The following CNTNAP5 variants were observed in gnomAD, a reference collection of about 807,000 sequenced individuals.
The protein encoded by CNTNAP5 is contactin associated protein family member 5.
A neutral mutation model predicts 150.2 loss-of-function variants in CNTNAP5; 72 were observed. The ratio of observed to expected loss-of-function variants is 0.48; its 90% CI spans 0.40 to 0.58. CNTNAP5 has a LOEUF of 0.58. CNTNAP5 is among the 20% of genes least tolerant of loss of function. The pLI is 0.00. For synonymous variants in CNTNAP5, 672 were observed against 619.8 expected (o/e 1.08, Z -1.25); for missense variants, 1,636 against 1,626.2 (o/e 1.01, Z -0.10).
At chr2:124,377,214 C>T (rs942569582) in intron 3 of CNTNAP5, among the ~76,000 whole-genome samples, 1 of 152,086 alleles carries the variant, frequency 6.6e-6, no homozygotes, top group East Asian at 1.9e-4. Flanking sequence ...ACATTGGGAA[C>T]ACTGTCTTCC....
At chr2:124,286,855 A>G (rs1450068034) in intron 3 of CNTNAP5, among the ~76,000 whole-genome samples, 1 of 152,162 alleles carries the variant, frequency 6.6e-6, no homozygotes, top group Non-Finnish European at 1.5e-5. Flanking sequence ...TTCCATCTCA[A>G]CTAAAACTCT....
intron 7 of CNTNAP5, among the ~76,000 whole-genome samples, chr2:124,495,945 C>T (rs1694132172): frequency 1.3e-5 from 2 of 152,066 alleles, no homozygotes; most frequent in African/African-American, 4.8e-5. Context: ...TTGTTACATG[C>T]TCTCCCAGCA....
chr2:124,237,309 G>T (rs1686775549), intron 2 of CNTNAP5, among the ~76,000 whole-genome samples: 1 of 152,086 alleles, frequency 6.6e-6, no homozygotes, highest in Non-Finnish European at 1.5e-5. Flanking sequence ...CCCATTTCCA[G>T]TGTGTGGCAT....
At chr2:124,462,879 C>T (rs1390031411) in intron 6 of CNTNAP5, among the ~76,000 whole-genome samples, 1 of 152,242 alleles carries the variant, frequency 6.6e-6, no homozygotes, top group Admixed American at 6.5e-5. Context: ...GGTCAAAGTT[C>T]TGCCCACACT....
intron 1 of CNTNAP5, among the ~76,000 whole-genome samples, chr2:124,080,002 G>A (rs1214512472): frequency 2.0e-5 from 3 of 152,180 alleles, no homozygotes; most frequent in African/African-American, 7.2e-5. Context: ...GGATTACTCA[G>A]TCATTGTTAC....
intron 1 of CNTNAP5, among the ~76,000 whole-genome samples, chr2:124,121,748 C>T (rs998725545): frequency 6.6e-6 from 1 of 152,144 alleles, no homozygotes; most frequent in Non-Finnish European, 1.5e-5. Context: ...TTTTACAACC[C>T]TCATCAAGAC....
At chr2:124,538,841 C>T (rs1695309289) in intron 10 of CNTNAP5, among the ~76,000 whole-genome samples, 1 of 152,162 alleles carries the variant, frequency 6.6e-6, no homozygotes, top group African/African-American at 2.4e-5. Flanking sequence ...TAAAGAGATT[C>T]CTTGGTATTG....
At chr2:124,691,524 G>A (rs910942998) in intron 13 of CNTNAP5, among the ~76,000 whole-genome samples, 9 of 152,120 alleles carry the variant, frequency 5.9e-5, no homozygotes, top group South Asian at 2.1e-4. Flanking sequence ...TAGGGATATC[G>A]TTTTCTGATC....
chr2:124,492,893 A>G (rs1196811239), intron 7 of CNTNAP5, among the ~76,000 whole-genome samples: 1 of 152,122 alleles, frequency 6.6e-6, no homozygotes, highest in Non-Finnish European at 1.5e-5. Context: ...TTTTTAATAT[A>G]TAATATCATG....
At chr2:124,099,063 A>G (rs1192756155) in intron 1 of CNTNAP5, among the ~76,000 whole-genome samples, 6 of 152,158 alleles carry the variant, frequency 3.9e-5, no homozygotes, top group Non-Finnish European at 1.5e-5. Flanking sequence ...CCTTCGTAAC[A>G]CAAGATCTGC....
intron 13 of CNTNAP5, among the ~76,000 whole-genome samples, chr2:124,674,009 C>T (rs1678875846): frequency 6.6e-6 from 1 of 152,050 alleles, no homozygotes; most frequent in Admixed American, 6.6e-5. Flanking sequence ...CAGTCATTCC[C>T]CATTCCTGCT....
chr2:124,113,888 C>A (rs575997848), intron 1 of CNTNAP5, among the ~76,000 whole-genome samples: 1 of 152,014 alleles, frequency 6.6e-6, no homozygotes, highest in African/African-American at 2.4e-5. Flanking sequence ...CACTGCTCTA[C>A]AGCATCACCT....
intron 10 of CNTNAP5, among the ~76,000 whole-genome samples, chr2:124,545,766 CA>C (rs781608173): frequency 1.2e-4 from 18 of 152,066 alleles, no homozygotes; most frequent in Non-Finnish European, 1.6e-4. Context: ...GGACACTCTT[CA>C]AAGCTAAGGA....
At chr2:124,207,199 C>A (rs1264050633) in intron 1 of CNTNAP5, among the ~76,000 whole-genome samples, 1 of 152,128 alleles carries the variant, frequency 6.6e-6, no homozygotes, top group Admixed American at 6.6e-5. Context: ...GCTCTCAGAC[C>A]AATGCTACAC....
At chr2:124,881,196 C>T (rs1677957159) in intron 21 of CNTNAP5, among the ~76,000 whole-genome samples, 1 of 152,090 alleles carries the variant, frequency 6.6e-6, no homozygotes, top group South Asian at 2.1e-4. Flanking sequence ...ATCAGACTCT[C>T]TTGTTAGTAA....
intron 1 of CNTNAP5, among the ~76,000 whole-genome samples, chr2:124,030,205 T>C (rs1359006640): frequency 6.6e-6 from 1 of 152,150 alleles, no homozygotes; most frequent in Non-Finnish European, 1.5e-5. Context: ...TTTATTTGGA[T>C]ATTTCTGGGA....
intron 3 of CNTNAP5, among the ~76,000 whole-genome samples, chr2:124,356,595 A>G (rs903150996): frequency 3.3e-5 from 5 of 151,792 alleles, no homozygotes; most frequent in Non-Finnish European, 5.9e-5. Flanking sequence ...ACTGAGAATC[A>G]TGATTTCCAA....
At chr2:124,480,309 T>C (rs758994759) in intron 7 of CNTNAP5, among the ~76,000 whole-genome samples, 5 of 152,232 alleles carry the variant, frequency 3.3e-5, no homozygotes, top group Admixed American at 6.5e-5. Context: ...CCTGATAGGC[T>C]TGGGTATAAC....
chr2:124,185,229 A>G lies in CNTNAP5; in HGVS notation c.83-36476A>G, dbSNP rs532712648. Among the ~76,000 whole-genome samples the G allele has an allele frequency of 7.9e-5, 12 of 152,234 alleles. 1 individual carries two copies. Among genetic ancestry groups the G allele is most frequent in the Non-Finnish European group, 1.6e-4 (11 of 68,014 alleles). ...CAGCCCACAGTTTCTTCTCCCTGCC[A>G]CTTACTATGTCAGCATTACTGAGCC... is the stretch of plus-strand genomic sequence containing the variant. On this transcript the variant is annotated intron_variant, in intron 1 of 23. Coordinates refer to ENST00000682447, the MANE Select transcript of CNTNAP5 (RefSeq NM_001367498.1).
Sources: allele counts gnomAD v4.1 joint callset (sites outside exome capture counted in the v4.1 genomes callset), GRCh38; gene constraint gnomAD v4.1.1; transcripts MANE v1.5; gene names NCBI Gene and HGNC (gene_info 2026-07-23, HGNC 2026-07-21).